Variants in WASF2 observed in about 807,000 individuals in gnomAD.
The protein encoded by WASF2 is WASP family member 2.
Under a neutral mutation model 45.0 loss-of-function variants are expected in WASF2, and 14 were observed. The observed-to-expected ratio is 0.31, with a 90% confidence interval of 0.21 to 0.49. The LOEUF (loss-of-function observed/expected upper bound fraction) is 0.49, where lower values mean the gene tolerates loss of function less well. Ranked by LOEUF, WASF2 falls within the 20% of genes least tolerant of loss-of-function variation. The pLI, the probability that WASF2 is intolerant of heterozygous loss-of-function variation, is 0.99. For synonymous variants in WASF2, 200 were observed against 236.3 expected (o/e 0.85, Z 1.41); for missense variants, 439 against 636.1 (o/e 0.69, Z 3.33).
intron 1 of WASF2, among the ~76,000 whole-genome samples, chr1:27,452,789 C>T (rs1261609626): frequency 6.6e-6 from 1 of 151,412 alleles, no homozygotes; most frequent in African/African-American, 2.4e-5. Flanking sequence ...GCACTCCAGC[C>T]TGAGTGATAG....
chr1:27,478,050 A>C (rs1411151521), intron 1 of WASF2, among the ~76,000 whole-genome samples: 3 of 151,548 alleles, frequency 2.0e-5, no homozygotes, highest in African/African-American at 7.3e-5. Flanking sequence ...CCAGGAGTTC[A>C]AGACCAACCT....
chr1:27,483,919 C>CA (rs1315763948), intron 1 of WASF2, among the ~76,000 whole-genome samples: 2 of 151,878 alleles, frequency 1.3e-5, no homozygotes, highest in Non-Finnish European at 2.9e-5. Flanking sequence ...GTGATACTGC[C>CA]ATTGCACTCA....
At chr1:27,412,205 T>A (rs2016770437) in intron 7 of WASF2, among the ~76,000 whole-genome samples, 1 of 152,196 alleles carries the variant, frequency 6.6e-6, no homozygotes, top group Non-Finnish European at 1.5e-5. Flanking sequence ...GACCTAGGGT[T>A]TTAACTTTTT....
intron 3 of WASF2, 27 bp downstream of exon 3, chr1:27,418,927 T>C (rs769893723): frequency 2.9e-5 from 47 of 1,606,474 alleles, no homozygotes; most frequent in Non-Finnish European, 3.9e-5. Flanking sequence ...CAGCAGAGCC[T>C]GCAAATGCTG....
intron 1 of WASF2, among the ~76,000 whole-genome samples, chr1:27,474,364 G>A (rs1456682221): frequency 1.3e-5 from 2 of 152,100 alleles, no homozygotes; most frequent in East Asian, 1.9e-4. Context: ...CCCAGGCAAA[G>A]TAGCTCACAC....
chr1:27,454,216 ACAGGGT>A (rs2148126989), intron 1 of WASF2, among the ~76,000 whole-genome samples: 1 of 125,952 alleles, frequency 7.9e-6, no homozygotes, highest in Non-Finnish European at 1.6e-5. Context: ...TTTTAAAGAT[ACAGGGT>A]CTTACTTTGT....
rs924788688 is a variant in WASF2, at chr1:27,442,355, C to T, written c.-43-13422G>A. ...GGTCAAGAGTTCAAGACCAGCCTGG[C>T]CAATATGGTAAAACCCCGTCTCTAC... is the stretch of plus-strand genomic sequence containing the variant. On this transcript the variant is annotated intron_variant, in intron 1 of 8. Transcript: ENST00000618852. Among the ~76,000 whole-genome samples, 6 of 151,640 alleles carry T rather than the reference C, an allele frequency of 4.0e-5. No homozygotes were observed. In the East Asian group the frequency reaches 9.7e-4, roughly 25 times the overall value.
intron 1 of WASF2, among the ~76,000 whole-genome samples, chr1:27,441,647 C>A (rs1047474109): frequency 2.7e-5 from 4 of 146,608 alleles, no homozygotes; most frequent in Non-Finnish European, 6.0e-5. Context: ...CCAGCTACTC[C>A]GGAGGCTGAG....
At chr1:27,417,105 C>A (rs987601156) in intron 4 of WASF2, among the ~76,000 whole-genome samples, 2 of 152,124 alleles carry the variant, frequency 1.3e-5, no homozygotes, top group African/African-American at 4.8e-5. Flanking sequence ...AACTGAGAGG[C>A]CACGCTAATT....
chr1:27,428,668 G>A (rs879527291), intron 2 of WASF2, 93 bp downstream of exon 2: 4 of 1,594,312 alleles, frequency 2.5e-6, no homozygotes, highest in Non-Finnish European at 3.4e-6. Flanking sequence ...GAAGGCAGAT[G>A]GGGGAGAAAT....
intron 2 of WASF2, among the ~76,000 whole-genome samples, chr1:27,426,690 T>G (rs904497615): frequency 1.3e-5 from 2 of 152,074 alleles, no homozygotes; most frequent in Non-Finnish European, 2.9e-5. Context: ...TTTGTATTTT[T>G]TGTAGAGACG....
intron 2 of WASF2, among the ~76,000 whole-genome samples, chr1:27,419,769 GC>G (rs1160046247): frequency 1.3e-5 from 2 of 152,146 alleles, no homozygotes; most frequent in Non-Finnish European, 2.9e-5. Context: ...CCTCAATGGA[GC>G]CTTGAAAATA....
At chr1:27,464,132 C>A (rs943106402) in intron 1 of WASF2, among the ~76,000 whole-genome samples, 1 of 151,990 alleles carries the variant, frequency 6.6e-6, no homozygotes, top group African/African-American at 2.4e-5. Context: ...GTAATCCAAG[C>A]ACTTTGGGAG....
chr1:27,468,355 A>T (rs1410255003), intron 1 of WASF2, among the ~76,000 whole-genome samples: 1 of 152,086 alleles, frequency 6.6e-6, no homozygotes, highest in East Asian at 1.9e-4. Flanking sequence ...AGAAAAAAAG[A>T]ACTGACCAGG....
intron 1 of WASF2, among the ~76,000 whole-genome samples, chr1:27,478,245 T>C (rs1311134426): frequency 3.1e-5 from 2 of 64,396 alleles, no homozygotes; most frequent in Admixed American, 1.7e-4. Context: ...AGAAAAGAAG[T>C]AGAAAATAAA....
intron 2 of WASF2, among the ~76,000 whole-genome samples, chr1:27,426,115 A>C (rs753671970): frequency 1.3e-5 from 2 of 152,202 alleles, no homozygotes; most frequent in Non-Finnish European, 1.5e-5. Flanking sequence ...CCTGAATGCT[A>C]GGCCAAGGAA....
chr1:27,426,582 C>G (rs530693377), intron 2 of WASF2, among the ~76,000 whole-genome samples: 1 of 151,514 alleles, frequency 6.6e-6, no homozygotes, highest in Admixed American at 6.6e-5. Flanking sequence ...ACAATCTCAG[C>G]TTACTACAAC....
chr1:27,412,673 C>G lies in WASF2; in HGVS notation c.723G>C (p.Val241=). 6.2e-7 allele frequency: 1 copy of G among 1,614,178 alleles called. No homozygotes were observed. Among genetic ancestry groups the G allele is most frequent in the Non-Finnish European group, 8.5e-7 (1 of 1,180,034 alleles). The change falls in exon 7 of 9, where the codon GTG becomes GTC. Residue 241 remains valine (V), a synonymous_variant. Coordinates refer to ENST00000618852, the MANE Select transcript of WASF2 (RefSeq NM_006990.5). The part of the protein sequence containing the change: ...QNGSIGCVEN[V]DASSYPPPPQ... ...GTGGTGGCGGATAGCTACTTGCATC[C>G]ACGTTTTCAACACAGCCAATGCTGC...
At chr1:27,481,493 G>GT (rs1447856441) in intron 1 of WASF2, among the ~76,000 whole-genome samples, 1 of 152,144 alleles carries the variant, frequency 6.6e-6, no homozygotes, top group African/African-American at 2.4e-5. Flanking sequence ...GAGGCCAGGA[G>GT]TTTGAGACCA....
Sources: gnomAD v4.1 joint callset for allele counts (sites outside exome capture counted in the v4.1 genomes callset) on GRCh38, gnomAD v4.1.1 for gene constraint, MANE v1.5 for transcripts, NCBI Gene and HGNC (gene_info 2026-07-23, HGNC 2026-07-21) for gene names.